The following ZNF618 variants were observed in gnomAD, a reference collection of about 807,000 sequenced individuals.
ZNF618 encodes neural precursor cell expressed, developmentally down-regulated 10.
ZNF618 carries 34 observed loss-of-function variants against 103.0 expected under a neutral mutation model. The ratio of observed to expected loss-of-function variants is 0.33; its 90% CI spans 0.25 to 0.44. The LOEUF (loss-of-function observed/expected upper bound fraction) is 0.44, where lower values mean the gene tolerates loss of function less well. Among genes scored for constraint, ZNF618 ranks in the 20% least tolerant of loss-of-function variants. The probability of loss-of-function intolerance (pLI) is 1.00; values close to 1 mark genes in which losing one functional copy is unlikely to be tolerated. For synonymous variants in ZNF618, 551 were observed against 542.2 expected (o/e 1.02, Z -0.23); for missense variants, 1,059 against 1,295.4 (o/e 0.82, Z 2.80).
At position 114,028,924 on chromosome 9, in the gene ZNF618, A is replaced by C; in HGVS notation, c.1036A>C (p.Thr346Pro). ...CACCCCTCCAGCCACCCAAACCCAG[A>C]CGTTCCGCACTCCAAATTCGGGATC... is the stretch of plus-strand genomic sequence containing the variant. Reference protein sequence around the residue: ...HRTPPATQTQTFRTPNSGSPA... With the variant: ...HRTPPATQTQPFRTPNSGSPA... Residue 346 changes from threonine to proline, a missense_variant, in exon 11 of 15, where the codon ACG becomes CCG. Coordinates refer to ENST00000374126, the MANE Select transcript of ZNF618 (RefSeq NM_001318042.2). 1 of 1,550,712 alleles carries C rather than the reference A, an allele frequency of 6.4e-7. No individual in the cohort carries two copies. The highest frequency in any genetic ancestry group is 1.2e-5 in the South Asian group (1 of 84,042).
At chr9:114,042,837 A>G (rs368912189) in intron 13 of ZNF618, among the ~76,000 whole-genome samples, 2 of 152,306 alleles carry the variant, frequency 1.3e-5, no homozygotes, top group South Asian at 4.1e-4. Flanking sequence ...TCTAAAATAT[A>G]AAAATAATAT....
At chr9:113,877,695 G>C (rs1263825754) in intron 1 of ZNF618, among the ~76,000 whole-genome samples, 1 of 151,516 alleles carries the variant, frequency 6.6e-6, no homozygotes, top group Non-Finnish European at 1.5e-5. Flanking sequence ...AATTAAGACT[G>C]TTTTCTGATT....
At chr9:113,926,091 TG>T (rs1833062278) in intron 1 of ZNF618, among the ~76,000 whole-genome samples, 1 of 152,036 alleles carries the variant, frequency 6.6e-6, no homozygotes, top group African/African-American at 2.4e-5. Context: ...TTTTGTTTTT[TG>T]TTATTTCTCC....
In ZNF618 at chr9:113,998,373, G is replaced by C. The variant is rs1244085052; in HGVS notation, c.433+19G>C. The C allele has an allele frequency of 2.6e-6, 4 of 1,546,812 alleles. No homozygotes were observed. Among genetic ancestry groups the C allele is most frequent in the African/African-American group, 1.4e-5 (1 of 72,946 alleles). On this transcript the variant is annotated intron_variant, in intron 4 of 14. Coordinates refer to ENST00000374126, the MANE Select transcript of ZNF618 (RefSeq NM_001318042.2). ...GCATCTGGTACGTGATGGCCAAGGG[G>C]TAGTGCCTGATCCGGGGCCAGTATG...
At chr9:113,966,215 C>T (rs1036959750) in intron 1 of ZNF618, among the ~76,000 whole-genome samples, 1 of 152,120 alleles carries the variant, frequency 6.6e-6, no homozygotes, top group African/African-American at 2.4e-5. Flanking sequence ...AAGCCAGTCC[C>T]GTGAAGTAGG....
chr9:113,946,374 A>G (rs1381287591), intron 1 of ZNF618, among the ~76,000 whole-genome samples: 1 of 149,788 alleles, frequency 6.7e-6, no homozygotes, highest in Admixed American at 6.8e-5. Flanking sequence ...CAGTGAATGC[A>G]ATTAGTGAAG....
intron 11 of ZNF618, among the ~76,000 whole-genome samples, chr9:114,032,132 C>G (rs1202300279): frequency 6.6e-6 from 1 of 152,188 alleles, no homozygotes; most frequent in Non-Finnish European, 1.5e-5. Flanking sequence ...GTGGGGCTAC[C>G]CCTGCTCTCC....
At chr9:113,897,016 A>G (rs1830090437) in intron 1 of ZNF618, among the ~76,000 whole-genome samples, 1 of 151,850 alleles carries the variant, frequency 6.6e-6, no homozygotes, top group Non-Finnish European at 1.5e-5. Flanking sequence ...TTACATGTTT[A>G]TTTTACTTTT....
intron 11 of ZNF618, among the ~76,000 whole-genome samples, chr9:114,031,479 C>G (rs772357545): frequency 5.3e-5 from 8 of 152,220 alleles, no homozygotes; most frequent in South Asian, 2.1e-4. Flanking sequence ...GGCTTCCTTT[C>G]CCATTGTCCC....
At chr9:113,965,918 G>A (rs1231054674) in intron 1 of ZNF618, among the ~76,000 whole-genome samples, 2 of 152,122 alleles carry the variant, frequency 1.3e-5, no homozygotes, top group African/African-American at 4.8e-5. Flanking sequence ...GAAGGCCTTC[G>A]GGCTGTGTGG....
intron 3 of ZNF618, among the ~76,000 whole-genome samples, chr9:113,992,939 C>T (rs149061894): frequency 2.6e-5 from 4 of 152,110 alleles, no homozygotes; most frequent in African/African-American, 4.8e-5. Flanking sequence ...TCTCTCACTC[C>T]GAGAAAGAAA....
At chr9:113,893,611 C>T (rs1348340028) in intron 1 of ZNF618, among the ~76,000 whole-genome samples, 1 of 151,998 alleles carries the variant, frequency 6.6e-6, no homozygotes, top group Non-Finnish European at 1.5e-5. Flanking sequence ...GCTGCTTTGT[C>T]TTCCTAATGA....
At chr9:113,951,511 G>GTGTATGCACATATA (rs1564207664) in intron 1 of ZNF618, among the ~76,000 whole-genome samples, 2 of 94,332 alleles carry the variant, frequency 2.1e-5, no homozygotes, top group African/African-American at 7.3e-5. Flanking sequence ...ACACATATAT[G>GTGTATGCACATATA]TGTGTATATG....
intron 1 of ZNF618, among the ~76,000 whole-genome samples, chr9:113,963,996 G>C (rs1837110995): frequency 6.6e-6 from 1 of 152,204 alleles, no homozygotes; most frequent in African/African-American, 2.4e-5. Context: ...GGAGGAGGGA[G>C]CCATTCAATT....
chr9:114,007,234 C>G, intron 6 of ZNF618, 116 bp from the exon 7 acceptor site: 1 of 800,068 alleles, frequency 1.2e-6, no homozygotes, highest in Non-Finnish European at 2.0e-6. Flanking sequence ...CTTCCTCCCT[C>G]CGCTAGCCAG....
At chr9:114,002,697 G>T in intron 6 of ZNF618, 35 bp downstream of exon 6, 1 of 1,608,078 alleles carries the variant, frequency 6.2e-7, no homozygotes. Context: ...GCTGCTGAGG[G>T]GCGAGGGCTT....
At chr9:114,010,442 C>G (rs1842135849) in intron 9 of ZNF618, among the ~76,000 whole-genome samples, 1 of 151,864 alleles carries the variant, frequency 6.6e-6, no homozygotes, top group Non-Finnish European at 1.5e-5. Flanking sequence ...CGTGGTGGCT[C>G]TCGCCTGTAA....
intron 1 of ZNF618, among the ~76,000 whole-genome samples, chr9:113,930,103 T>G (rs1446197932): frequency 6.6e-6 from 1 of 152,206 alleles, no homozygotes; most frequent in Non-Finnish European, 1.5e-5. Context: ...CATTCCTCCT[T>G]GTTTGCAAAG....
intron 3 of ZNF618, among the ~76,000 whole-genome samples, chr9:113,992,622 G>C (rs1840183550): frequency 6.6e-6 from 1 of 152,178 alleles, no homozygotes; most frequent in Non-Finnish European, 1.5e-5. Context: ...CGGGCTCAGA[G>C]ACGGGCTCTG....
Sources: allele counts gnomAD v4.1 joint callset (sites outside exome capture counted in the v4.1 genomes callset), GRCh38; gene constraint gnomAD v4.1.1; transcripts MANE v1.5; gene names NCBI Gene and HGNC (gene_info 2026-07-23, HGNC 2026-07-21).